Variants in CCPG1 observed in about 807,000 individuals in gnomAD.
CCPG1 encodes the protein cell cycle progression protein 1.
Under a neutral mutation model 81.3 loss-of-function variants are expected in CCPG1, and 46 were observed. That is an observed-to-expected ratio of 0.57 (90% CI 0.45 to 0.72). The LOEUF (loss-of-function observed/expected upper bound fraction) is 0.72. CCPG1 is among the 30% of genes least tolerant of loss of function. The pLI is 0.00. For missense variants in CCPG1, 902 were observed against 937.6 expected (o/e 0.96, Z 0.50); for synonymous variants, 330 against 305.2 (o/e 1.08, Z -0.85).
intron 5 of CCPG1, 120 bp from the exon 6 acceptor site, chr15:55,372,164 A>G: frequency 1.1e-6 from 1 of 919,758 alleles, no homozygotes; most frequent in African/African-American, 1.7e-5. Flanking sequence ...ATAGCCAAAA[A>G]CAAAAACCAA....
chr15:55,375,113 T>G (rs931655981), intron 5 of CCPG1, among the ~76,000 whole-genome samples: 4 of 152,210 alleles, frequency 2.6e-5, no homozygotes, highest in African/African-American at 4.8e-5. Context: ...TTCCTCTTAG[T>G]CCACAAAAAT....
Position 55,371,946 on chromosome 15 carries a change from C to T in CCPG1, c.553G>A (p.Val185Ile), listed in dbSNP as rs35101262. The stretch of plus-strand genomic sequence containing the variant: ...CGGTCTTCAGATTCTGAAGCAGAAA[C>T]GGTCTTCTTCCTAGCACGGCGTCGT... ...FRRRRARKKT[V>I]SASESEDRLV... Residue 185 changes from valine to isoleucine, a missense_variant, in exon 6 of 9, where the codon GTT becomes ATT. Physicochemically the swap from Val to Ile is conservative, Grantham distance 29. This residue lies in a region of CCPG1 where 746 missense variants were observed against 728.6 expected (regional missense o/e 1.02). Coordinates refer to ENST00000442196, the MANE Select transcript of CCPG1 (RefSeq NM_001204450.2). The T allele has an allele frequency of 1.9e-3, 3,039 of 1,614,152 alleles. 51 individuals carry two copies. In the African/African-American group the frequency reaches 0.036, roughly 19 times the overall value.
chr15:55,402,480 C>T (rs1327637591), intron 1 of CCPG1, among the ~76,000 whole-genome samples: 4 of 152,158 alleles, frequency 2.6e-5, no homozygotes, highest in African/African-American at 9.7e-5. Flanking sequence ...CCACTCTCCT[C>T]GACCTTCCAA....
rs1431353516 is a variant in CCPG1, at chr15:55,356,093, T to C, written c.*127A>G. 1.4e-6 allele frequency: 1 copy of C among 726,244 alleles called. No homozygotes were observed. Among genetic ancestry groups the C allele is most frequent in the Non-Finnish European group, 2.2e-6 (1 of 460,250 alleles). The allele number at this position is 726,244 out of a possible 1,614,324, so 45.0% of individuals were successfully genotyped here. ...GCTTCTGAGGAATAATATAAAGTTA[T>C]CAAACTGATACTTAGAAACAAAAGA... is the stretch of plus-strand genomic sequence containing the variant. On this transcript the variant is annotated 3_prime_UTR_variant, in exon 9 of 9. Coordinates refer to ENST00000442196, the MANE Select transcript of CCPG1 (RefSeq NM_001204450.2).
In CCPG1 at chr15:55,359,927, G is replaced by A. The variant is rs757997492; in HGVS notation, c.1846C>T (p.His616Tyr). The A allele has an allele frequency of 6.2e-7, 1 of 1,613,500 alleles. No individual in the cohort carries two copies. Among genetic ancestry groups the A allele is most frequent in the South Asian group, 1.1e-5 (1 of 91,028 alleles). The change falls in exon 8 of 9, where the codon CAT becomes TAT. Residue 616 changes from histidine (H) to tyrosine (Y), a missense_variant. His to Tyr is a moderately conservative substitution (Grantham distance 83, BLOSUM62 2). Coordinates refer to ENST00000442196, the MANE Select transcript of CCPG1 (RefSeq NM_001204450.2). The part of the protein sequence containing the change: ...NTNSKKCSPG[H>Y]DCRENSHSFR... The stretch of plus-strand genomic sequence containing the variant: ...GAATGAGAATTTTCTCTACAATCAT[G>A]CCCAGGACTGCATTTCTTTGAATTT...
At chr15:55,400,492 A>G (rs555748105) in intron 1 of CCPG1, among the ~76,000 whole-genome samples, 1 of 152,224 alleles carries the variant, frequency 6.6e-6, no homozygotes, top group East Asian at 1.9e-4. Flanking sequence ...TGGGTTACAG[A>G]GCCAGACTCC....
At chr15:55,407,203 G>A (rs1208704207) in intron 1 of CCPG1, among the ~76,000 whole-genome samples, 2 of 148,794 alleles carry the variant, frequency 1.3e-5, no homozygotes, top group Non-Finnish European at 3.0e-5. Flanking sequence ...ACTCCAGCCT[G>A]GGCAACAAGA....
chr15:55,363,799 CTTTTTTTTTTTTTTT>C (rs565044184), intron 7 of CCPG1, among the ~76,000 whole-genome samples: 2 of 93,942 alleles, frequency 2.1e-5, no homozygotes, highest in African/African-American at 9.0e-5. Context: ...TTTCCTTTTC[CTTTTTTTTTTTTTTT>C]TTTTTTTTTG....
chr15:55,396,481 T>G (rs2057019611), intron 1 of CCPG1, among the ~76,000 whole-genome samples: 1 of 152,190 alleles, frequency 6.6e-6, no homozygotes, highest in Non-Finnish European at 1.5e-5. Flanking sequence ...TTCTCAAGTG[T>G]TTAACACACA....
chr15:55,400,768 G>A (rs1204234053), intron 1 of CCPG1, among the ~76,000 whole-genome samples: 2 of 152,056 alleles, frequency 1.3e-5, no homozygotes, highest in Non-Finnish European at 2.9e-5. Flanking sequence ...GACTTCAGTG[G>A]GGCTGTGCAT....
At position 55,402,726 on chromosome 15, in the gene CCPG1, G is replaced by A. The variant is rs553296310; in HGVS notation, c.-10+5495C>T. ...GAAATGTATTTCTCAGAGGACCTGA[G>A]ATTTCACATTCAATGTAGTCTCATT... On this transcript the variant is annotated intron_variant, in intron 1 of 8. Transcript: ENST00000442196. Among the ~76,000 whole-genome samples the A allele has an allele frequency of 2.0e-5, 3 of 152,284 alleles. No individual in the cohort carries two copies. The East Asian group carries it at 5.8e-4, about 29-fold the overall frequency.
intron 8 of CCPG1, chr15:55,359,212 C>A: frequency 3.9e-6 from 4 of 1,013,298 alleles, no homozygotes; most frequent in Non-Finnish European, 4.7e-6. Context: ...AAAATAATTT[C>A]ACTTAAGGTG....
At chr15:55,403,405 TAA>T (rs34854989) in intron 1 of CCPG1, among the ~76,000 whole-genome samples, 1 of 143,812 alleles carries the variant, frequency 7.0e-6, no homozygotes. Context: ...GATAAGTACT[TAA>T]AAAAAAAAAA....
intron 2 of CCPG1, among the ~76,000 whole-genome samples, chr15:55,389,082 A>AAAAAAAAAAAAAAAC (rs1269549485): frequency 6.7e-6 from 1 of 150,148 alleles, no homozygotes; most frequent in African/African-American, 2.4e-5. Context: ...AAAAAAAAAA[A>AAAAAAAAAAAAAAAC]AAAAAAAGAC....
At chr15:55,393,310 C>T (rs2056958479) in intron 1 of CCPG1, among the ~76,000 whole-genome samples, 1 of 151,842 alleles carries the variant, frequency 6.6e-6, no homozygotes, top group African/African-American at 2.4e-5. Context: ...CATGGTGGCC[C>T]ACACCTGTTG....
intron 3 of CCPG1, among the ~76,000 whole-genome samples, chr15:55,381,136 C>CA (rs1173746387): frequency 4.0e-5 from 6 of 149,924 alleles, no homozygotes; most frequent in African/African-American, 1.5e-4. Flanking sequence ...GACACCATCT[C>CA]AAAAAACAAA....
intron 5 of CCPG1, among the ~76,000 whole-genome samples, chr15:55,375,304 C>G (rs1322947919): frequency 1.3e-5 from 2 of 152,120 alleles, no homozygotes; most frequent in East Asian, 3.9e-4. Flanking sequence ...ATGTCAGTTT[C>G]TTATATATCT....
intron 1 of CCPG1, among the ~76,000 whole-genome samples, chr15:55,400,855 T>G (rs1197303179): frequency 6.6e-6 from 1 of 152,234 alleles, no homozygotes; most frequent in African/African-American, 2.4e-5. Flanking sequence ...TATTAGATTG[T>G]CATTACTGAT....
At chr15:55,397,618 G>A (rs1170659515) in intron 1 of CCPG1, among the ~76,000 whole-genome samples, 3 of 152,168 alleles carry the variant, frequency 2.0e-5, no homozygotes, top group African/African-American at 7.2e-5. Context: ...TGGCCTCACC[G>A]AGTACTAGAA....
Sources: allele counts gnomAD v4.1 joint callset (sites outside exome capture counted in the v4.1 genomes callset), GRCh38; gene constraint gnomAD v4.1.1; regional missense constraint gnomAD v4.1.1; transcripts MANE v1.5; gene names NCBI Gene and HGNC (gene_info 2026-07-23, HGNC 2026-07-21).